Variants in AGAP1 observed in about 807,000 individuals in gnomAD.
AGAP1 encodes the protein ArfGAP with GTPase domain, ankyrin repeat and PH domain 1.
Under a neutral mutation model 105.3 loss-of-function variants are expected in AGAP1, and 29 were observed. The observed-to-expected ratio is 0.28, with a 90% confidence interval of 0.21 to 0.38. AGAP1 has a LOEUF of 0.38. Ranked by LOEUF, AGAP1 falls within the 10% of genes least tolerant of loss-of-function variation. The pLI is 1.00. For synonymous variants in AGAP1, 509 were observed against 485.9 expected, an observed-to-expected ratio of 1.05 and a Z score of -0.63; for missense variants, 998 against 1,165.1, an observed-to-expected ratio of 0.86 and a Z score of 2.09.
rs957264757 is a variant in AGAP1 at position 235,577,703 on chromosome 2, C to G, written c.163+82854C>G. The stretch of plus-strand genomic sequence containing the variant: ...TGGAACGTGTGTGTCGTCATCCCCT[C>G]GAAGGCTTGGCTGATTGAGCCAGTA... On this transcript the variant is annotated intron_variant, in intron 1 of 17. Coordinates refer to ENST00000304032, the MANE Select transcript of AGAP1 (RefSeq NM_001037131.3). The surrounding 1 kb of genome is among the most constrained non-coding windows in gnomAD (Gnocchi z 4.5). Among the ~76,000 whole-genome samples the G allele has an allele frequency of 1.3e-5, 2 of 152,090 alleles. No individual in the cohort carries two copies. The highest frequency in any genetic ancestry group is 2.4e-5 in the African/African-American group (1 of 41,396).
At chr2:235,863,624 G>T (rs1007099675) in intron 9 of AGAP1, among the ~76,000 whole-genome samples, 5 of 152,204 alleles carry the variant, frequency 3.3e-5, no homozygotes, top group Non-Finnish European at 7.3e-5. Context: ...GCAGTGTGAG[G>T]TGGGCCTCCT....
At chr2:235,984,250 A>G (rs994655083) in intron 13 of AGAP1, among the ~76,000 whole-genome samples, 2 of 152,170 alleles carry the variant, frequency 1.3e-5, no homozygotes, top group African/African-American at 4.8e-5. Flanking sequence ...TTTTTAAAGG[A>G]TGGATAATAT....
rs747308615 is a variant in AGAP1 at position 236,014,061 on chromosome 2, G to A, written c.1646-22500G>A. On this transcript the variant is annotated intron_variant, in intron 13 of 17. Coordinates refer to ENST00000304032, the MANE Select transcript of AGAP1 (RefSeq NM_001037131.3). The surrounding 1 kb of genome is among the most constrained non-coding windows in gnomAD (Gnocchi z 6.3). ...ACAGCCTGAGTGGTGGGCCTGCTGC[G>A]CCCTTGTTAAATTGGTTCTCTTCCG... Among the ~76,000 whole-genome samples, 1 of 152,090 alleles carries A rather than the reference G, an allele frequency of 6.6e-6. No homozygotes were observed. Among genetic ancestry groups the A allele is most frequent in the Non-Finnish European group, 1.5e-5 (1 of 68,026 alleles).
At chr2:235,770,114 T>A (rs1710825) in intron 6 of AGAP1, among the ~76,000 whole-genome samples, 32,731 of 141,666 alleles carry the variant, frequency 0.23, 4,636 homozygotes, top group Admixed American at 0.37. Flanking sequence ...TACACACACA[T>A]TTTTTTCTTT....
At chr2:235,773,809 C>G in intron 6 of AGAP1, 1 of 393,602 alleles carries the variant, frequency 2.5e-6, no homozygotes, top group South Asian at 2.0e-5. Flanking sequence ...AGTTGAGTGC[C>G]CTTTGTTTTC....
chr2:236,041,443 A>G (rs1179701528), intron 15 of AGAP1, among the ~76,000 whole-genome samples: 1 of 152,018 alleles, frequency 6.6e-6, no homozygotes, highest in Non-Finnish European at 1.5e-5. Context: ...AACTGATAGA[A>G]GTTGTAATTA....
intron 1 of AGAP1, among the ~76,000 whole-genome samples, chr2:235,515,253 C>T (rs1219193165): frequency 1.3e-5 from 2 of 152,002 alleles, no homozygotes; most frequent in African/African-American, 2.4e-5. Context: ...AGCATAGAGG[C>T]GTTGGGATGG....
At position 235,611,832 on chromosome 2, in the gene AGAP1, A is replaced by G. The variant is rs1170910879; in HGVS notation, c.164-97347A>G. Among the ~76,000 whole-genome samples, 1 of 152,168 alleles carries G rather than the reference A, an allele frequency of 6.6e-6. No individual in the cohort carries two copies. Among genetic ancestry groups the G allele is most frequent in the Admixed American group, 6.5e-5 (1 of 15,272 alleles). The stretch of plus-strand genomic sequence containing the variant: ...TTCATATAAATTAGATTTACATAGG[A>G]GACAAAGAAATCCTTCCCTCCCTGT... On this transcript the variant is annotated intron_variant, in intron 1 of 17. Transcript: ENST00000304032. The surrounding 1 kb of genome is among the most constrained non-coding windows in gnomAD (Gnocchi z 5.0).
At chr2:235,509,201 T>C (rs1239229705) in intron 1 of AGAP1, among the ~76,000 whole-genome samples, 1 of 152,050 alleles carries the variant, frequency 6.6e-6, no homozygotes, top group Non-Finnish European at 1.5e-5. Flanking sequence ...TTTGTCTATC[T>C]GTTTAGAGAA....
intron 13 of AGAP1, among the ~76,000 whole-genome samples, chr2:236,021,708 G>A (rs2125601986): frequency 6.6e-6 from 1 of 152,192 alleles, no homozygotes; most frequent in Admixed American, 6.5e-5. Context: ...TCAATTTGCG[G>A]TCAGATAACT....
At chr2:235,968,706 C>CT in intron 13 of AGAP1, 83 bp downstream of exon 13, 1 of 1,413,378 alleles carries the variant, frequency 7.1e-7, no homozygotes, top group Non-Finnish European at 9.7e-7. Context: ...AATTAGACAC[C>CT]CTTAGCACAA....
chr2:235,783,850 A>G (rs1956433980), intron 6 of AGAP1, among the ~76,000 whole-genome samples: 1 of 152,196 alleles, frequency 6.6e-6, no homozygotes, highest in Non-Finnish European at 1.5e-5. Flanking sequence ...TGCATTTCAC[A>G]GTATGTACAT....
chr2:235,998,432 C>G (rs115060508), intron 13 of AGAP1, among the ~76,000 whole-genome samples: 2,727 of 152,228 alleles, frequency 0.018, 78 homozygotes, highest in African/African-American at 0.062. Context: ...CTCCAGGGTC[C>G]CTCTAACTGA....
At chr2:235,605,132 C>A (rs1206979905) in intron 1 of AGAP1, among the ~76,000 whole-genome samples, 2 of 152,204 alleles carry the variant, frequency 1.3e-5, no homozygotes, top group Non-Finnish European at 2.9e-5. Flanking sequence ...CCTGCCTCTG[C>A]CTCCGAAAGT....
chr2:235,826,602 A>G (rs1303145579), intron 9 of AGAP1, among the ~76,000 whole-genome samples: 1 of 151,996 alleles, frequency 6.6e-6, no homozygotes, highest in East Asian at 1.9e-4. Flanking sequence ...GGCGCCCGCC[A>G]CCACACCCAG....
rs1311081560 is a variant in AGAP1, at chr2:235,622,078, C to T, written c.164-87101C>T. Among the ~76,000 whole-genome samples, 3 of 152,178 alleles carry T rather than the reference C, an allele frequency of 2.0e-5. No individual in the cohort carries two copies. The highest frequency in any genetic ancestry group is 2.9e-5 in the Non-Finnish European group (2 of 68,024). On this transcript the variant is annotated intron_variant, in intron 1 of 17. Coordinates refer to ENST00000304032, the MANE Select transcript of AGAP1 (RefSeq NM_001037131.3). The surrounding 1 kb of genome is among the most constrained non-coding windows in gnomAD (Gnocchi z 5.0). ...ATTCAACACTTTAGAATGCCTTAAT[C>T]TTTTCTTGTTGTGTTTTGAATAGGT...
intron 1 of AGAP1, among the ~76,000 whole-genome samples, chr2:235,558,354 T>C (rs948192298): frequency 2.0e-5 from 3 of 152,160 alleles, no homozygotes; most frequent in African/African-American, 7.2e-5. Context: ...TCTGTGTGTC[T>C]TTCTTGGTTT....
chr2:236,119,581 A>G lies in AGAP1; in HGVS notation c.2115-611A>G, dbSNP rs1045866999. On this transcript the variant is annotated intron_variant, in intron 16 of 17. Coordinates refer to ENST00000304032, the MANE Select transcript of AGAP1 (RefSeq NM_001037131.3). The surrounding 1 kb of genome is among the most constrained non-coding windows in gnomAD (Gnocchi z 6.6). ...AGCGCACCGGCTGTCCCTTCCCCCC[A>G]CCCCCGGCCCAGCTCCAGCCAAGTG... 7.9e-5 allele frequency among the ~76,000 whole-genome samples: 7 copies of G among 89,076 alleles called. No homozygotes were observed. Among genetic ancestry groups the G allele is most frequent in the East Asian group, 4.1e-4 (1 of 2,464 alleles). The allele number at this position is 89,076 out of a possible 152,430, so 58.4% of individuals were successfully genotyped here.
At chr2:236,043,615 T>C (rs2057624643) in intron 15 of AGAP1, among the ~76,000 whole-genome samples, 1 of 51,634 alleles carries the variant, frequency 1.9e-5, no homozygotes, top group African/African-American at 5.4e-5. Context: ...TAATCCCGGC[T>C]ACTTGGGAGG....
Sources: allele counts gnomAD v4.1 joint callset (sites outside exome capture counted in the v4.1 genomes callset), GRCh38; gene constraint gnomAD v4.1.1; non-coding constraint Gnocchi (gnomAD v3.1); transcripts MANE v1.5; gene names NCBI Gene and HGNC (gene_info 2026-07-23, HGNC 2026-07-21).